The following RBFOX1 variants were observed in gnomAD, a reference collection of about 807,000 sequenced individuals.
The protein encoded by RBFOX1 is RNA binding protein fox-1 homolog 1.
RBFOX1 carries 8 observed loss-of-function variants against 57.7 expected under a neutral mutation model. That is an observed-to-expected ratio of 0.14 (90% CI 0.08 to 0.25). The LOEUF is 0.25. RBFOX1 is among the 10% of genes least tolerant of loss of function. RBFOX1 has a pLI of 1.00. For synonymous variants in RBFOX1, 326 were observed against 222.4 expected, an observed-to-expected ratio of 1.47 and a Z score of -4.15; for missense variants, 611 against 548.5, an observed-to-expected ratio of 1.11 and a Z score of -1.14.
intron 2 of RBFOX1, among the ~76,000 whole-genome samples, chr16:5,473,544 T>C (rs1044439321): frequency 1.2e-4 from 18 of 151,662 alleles, no homozygotes; most frequent in African/African-American, 4.4e-4. Flanking sequence ...GGTGGGTAGG[T>C]GGATGGATGG....
chr16:5,996,376 A>G (rs1390147645), intron 4 of RBFOX1, among the ~76,000 whole-genome samples: 5 of 152,076 alleles, frequency 3.3e-5, no homozygotes, highest in African/African-American at 1.2e-4. Flanking sequence ...TGGGACAAGC[A>G]TTGGGTTCCC....
intron 1 of RBFOX1, among the ~76,000 whole-genome samples, chr16:6,252,181 C>A (rs2097620253): frequency 6.6e-6 from 1 of 152,056 alleles, no homozygotes; most frequent in Admixed American, 6.6e-5. Context: ...TGCGTCCCTG[C>A]ACCCATCCCG....
In RBFOX1 at chr16:5,560,042, C is replaced by G. The variant is rs192400350; in HGVS notation, c.259-38860C>G. On this transcript the variant is annotated intron_variant, in intron 2 of 2. Coordinates refer to the RBFOX1 transcript ENST00000585867. ...TTAGTTCTCTTGTCTGTCTTATAAC[C>G]TATTGCTATATTCCCAGAGTGTCAA... Among the ~76,000 whole-genome samples the G allele has an allele frequency of 5.3e-3, 812 of 152,300 alleles. 5 individuals are homozygous for G. The highest frequency in any genetic ancestry group is 0.019 in the African/African-American group (788 of 41,568).
At chr16:5,816,939 C>T (rs1445665128) in intron 3 of RBFOX1, among the ~76,000 whole-genome samples, 3 of 152,102 alleles carry the variant, frequency 2.0e-5, no homozygotes, top group Admixed American at 1.3e-4. Flanking sequence ...GCATGCATAT[C>T]CTCTCTGTGT....
intron 1 of RBFOX1, among the ~76,000 whole-genome samples, chr16:6,144,601 G>A (rs2096743501): frequency 6.6e-6 from 1 of 152,194 alleles, no homozygotes; most frequent in Non-Finnish European, 1.5e-5. Flanking sequence ...TGCATCTGTA[G>A]CCAAGGGAGG....
Position 7,709,507 on chromosome 16 carries a change from G to T in RBFOX1, c.1071+376G>T. 2.0e-6 allele frequency: 3 copies of T among 1,520,320 alleles called. No homozygotes were observed. In the South Asian group the frequency reaches 3.7e-5, roughly 19 times the overall value. 94.2% of individuals were successfully genotyped at this position (1,520,320 alleles called of 1,614,324 possible). On this transcript the variant is annotated intron_variant, in intron 15 of 15. Coordinates refer to ENST00000550418, the MANE Select transcript of RBFOX1 (RefSeq NM_018723.4). ...TCATTCACATAGCCCCAAGGTTCCA[G>T]CCCCAGCACAGACTTCAGAGGAGCT...
At chr16:5,500,506 G>A (rs1158419953) in intron 2 of RBFOX1, among the ~76,000 whole-genome samples, 3 of 152,142 alleles carry the variant, frequency 2.0e-5, no homozygotes, top group Non-Finnish European at 4.4e-5. Flanking sequence ...ACAGGTGTGA[G>A]CCATCATGCC....
At chr16:6,986,825 T>C (rs1021690846) in intron 3 of RBFOX1, among the ~76,000 whole-genome samples, 7 of 152,254 alleles carry the variant, frequency 4.6e-5, no homozygotes, top group African/African-American at 1.4e-4. Context: ...GGTGCCTGTA[T>C]GTTTCACTTG....
At chr16:7,524,071 A>G (rs762483229) in intron 5 of RBFOX1, among the ~76,000 whole-genome samples, 1 of 152,206 alleles carries the variant, frequency 6.6e-6, no homozygotes, top group Non-Finnish European at 1.5e-5. Flanking sequence ...TGTACCTGGA[A>G]TAGCTCTAAC....
intron 3 of RBFOX1, among the ~76,000 whole-genome samples, chr16:6,943,013 C>T (rs906292083): frequency 2.0e-5 from 3 of 152,178 alleles, no homozygotes; most frequent in Non-Finnish European, 4.4e-5. Flanking sequence ...GCTCTTCCTA[C>T]CCAGACCCAA....
At chr16:5,627,418 GGT>G (rs142764574) in intron 3 of RBFOX1, among the ~76,000 whole-genome samples, 6 of 150,376 alleles carry the variant, frequency 4.0e-5, no homozygotes, top group South Asian at 2.1e-4. Flanking sequence ...GTGATCTTGG[GGT>G]GTGTGTGTGT....
chr16:5,930,003 T>G (rs2059016633), intron 4 of RBFOX1, among the ~76,000 whole-genome samples: 1 of 151,098 alleles, frequency 6.6e-6, no homozygotes, highest in Non-Finnish European at 1.5e-5. Context: ...GAAGCAGGTG[T>G]GAGTGAGTGA....
At chr16:7,047,185 G>A (rs1035251883) in intron 3 of RBFOX1, among the ~76,000 whole-genome samples, 1 of 151,700 alleles carries the variant, frequency 6.6e-6, no homozygotes, top group South Asian at 2.1e-4. Context: ...TTTCCTTCAG[G>A]TATCCTATTT....
chr16:7,328,435 A>T (rs897176928), intron 4 of RBFOX1, among the ~76,000 whole-genome samples: 1 of 138,360 alleles, frequency 7.2e-6, no homozygotes, highest in Non-Finnish European at 1.5e-5. Flanking sequence ...AGCTGAGATC[A>T]TGCCATTGCA....
rs151015438 is a variant in RBFOX1, at chr16:6,173,011, C to T, written c.-126-143984C>T. Among the ~76,000 whole-genome samples, 1,191 of 152,194 alleles carry T rather than the reference C, an allele frequency of 7.8e-3. 15 individuals carry two copies. Among genetic ancestry groups the T allele is most frequent in the African/African-American group, 0.027 (1,127 of 41,522 alleles). ...CCATCTTCGAAGCCAGGGATGTAGC[C>T]CTTCTCCATGCATTTCTTTGATAGT... On this transcript the variant is annotated intron_variant, in intron 1 of 15. Transcript: ENST00000550418.
At chr16:7,191,827 C>T (rs80258838) in intron 4 of RBFOX1, among the ~76,000 whole-genome samples, 12,106 of 152,130 alleles carry the variant, frequency 0.08, 767 homozygotes, top group African/African-American at 0.18. Flanking sequence ...ACCATTGAGG[C>T]GAAAGAGTCC....
At chr16:6,066,510 G>T (rs2095765234) in intron 1 of RBFOX1, among the ~76,000 whole-genome samples, 1 of 152,000 alleles carries the variant, frequency 6.6e-6, no homozygotes, top group South Asian at 2.1e-4. Context: ...CAGTAAGGTG[G>T]TTATGCAGTA....
intron 4 of RBFOX1, among the ~76,000 whole-genome samples, chr16:7,236,831 A>G (rs1459495145): frequency 6.6e-6 from 1 of 152,192 alleles, no homozygotes; most frequent in Non-Finnish European, 1.5e-5. Context: ...TCTTGTCCTC[A>G]GCAAAGACTA....
chr16:7,685,271 T>G (rs2147023902), intron 14 of RBFOX1, among the ~76,000 whole-genome samples: 1 of 152,170 alleles, frequency 6.6e-6, no homozygotes, highest in East Asian at 1.9e-4. Context: ...CTTTATAAAT[T>G]ATTGACTTTT....
Sources: allele counts gnomAD v4.1 joint callset (sites outside exome capture counted in the v4.1 genomes callset), GRCh38; gene constraint gnomAD v4.1.1; transcripts MANE v1.5; gene names NCBI Gene and HGNC (gene_info 2026-07-23, HGNC 2026-07-21).